The following ACKR3 variants were observed in gnomAD, a reference collection of about 807,000 sequenced individuals.
ACKR3 encodes C-X-C chemokine receptor type 7.
In ACKR3, 6 loss-of-function variants were observed where a neutral mutation model predicts 22.4. The observed-to-expected ratio is 0.27, with a 90% confidence interval of 0.15 to 0.53. The LOEUF (loss-of-function observed/expected upper bound fraction) is 0.53. ACKR3 is among the 20% of genes least tolerant of loss of function. The probability of loss-of-function intolerance (pLI) is 0.96; values close to 1 mark genes in which losing one functional copy is unlikely to be tolerated. For synonymous variants in ACKR3, 209 were observed against 205.2 expected, an observed-to-expected ratio of 1.02 and a Z score of -0.16; for missense variants, 396 against 475.2, an observed-to-expected ratio of 0.83 and a Z score of 1.55.
intron 1 of ACKR3, among the ~76,000 whole-genome samples, chr2:236,573,631 G>C (rs888825749): frequency 6.6e-6 from 1 of 152,222 alleles, no homozygotes; most frequent in Non-Finnish European, 1.5e-5. Context: ...TTTCGGAGCT[G>C]GTCCCGGGGC....
At chr2:236,541,326 T>G in the ACKR3 span, among the ~76,000 whole-genome samples, 1 of 152,246 alleles carries the variant, frequency 6.6e-6, no homozygotes, top group Non-Finnish European at 1.5e-5. Context: ...TCAGCCTTTT[T>G]TAAATACCAA....
Position 236,574,894 on chromosome 2 carries a change from C to G in ACKR3, c.-27+4970C>G, listed in dbSNP as rs926777115. ...TCTGGGCTGTGAGTGACAGAGGAGT[C>G]CCTTTGCAGGCCATAGGCTGGCAGG... On this transcript the variant is annotated intron_variant, in intron 1 of 1. Coordinates refer to ENST00000272928, the MANE Select transcript of ACKR3 (RefSeq NM_020311.3). This position sits in a 1 kb window ranked among gnomAD's most constrained non-coding sequence, Gnocchi z 5.6. 2.0e-5 allele frequency among the ~76,000 whole-genome samples: 3 copies of G among 152,076 alleles called. No homozygotes were observed. Among genetic ancestry groups the G allele is most frequent in the Admixed American group, 6.6e-5 (1 of 15,260 alleles).
intron 1 of ACKR3, among the ~76,000 whole-genome samples, chr2:236,572,428 G>C (rs548551767): frequency 3.3e-5 from 5 of 152,302 alleles, no homozygotes; most frequent in African/African-American, 1.2e-4. Flanking sequence ...GGCAGTGTGG[G>C]GGACTTTGCG....
chr2:236,571,632 A>C (rs866517446), intron 1 of ACKR3, among the ~76,000 whole-genome samples: 27 of 151,422 alleles, frequency 1.8e-4, no homozygotes, highest in African/African-American at 2.4e-4. Context: ...AAAAAAAAAA[A>C]AAAAAAAAAA....
At chr2:236,567,090 C>T (rs1691201559), upstream of ACKR3, among the ~76,000 whole-genome samples, 1 of 152,146 alleles carries the variant, frequency 6.6e-6, no homozygotes, top group Admixed American at 6.5e-5. Context: ...CTACAACCTC[C>T]GCCTCCCGGG....
chr2:236,575,690 G>A (rs950870350), intron 1 of ACKR3, among the ~76,000 whole-genome samples: 3 of 149,304 alleles, frequency 2.0e-5, no homozygotes, highest in African/African-American at 7.6e-5. Context: ...TGTGCTGTGT[G>A]TGCGTGTGTC....
intron 1 of ACKR3, among the ~76,000 whole-genome samples, chr2:236,580,039 T>C (rs1388310729): frequency 1.3e-5 from 2 of 152,170 alleles, no homozygotes; most frequent in Admixed American, 6.5e-5. Context: ...ATAAAATGGC[T>C]CCACTGTCCC....
At chr2:236,543,064 T>C in the ACKR3 span, among the ~76,000 whole-genome samples, 1 of 152,214 alleles carries the variant, frequency 6.6e-6, no homozygotes, top group Non-Finnish European at 1.5e-5. Context: ...GTGCAATCAA[T>C]GCTTTACCGA....
intron 1 of ACKR3, among the ~76,000 whole-genome samples, chr2:236,579,564 C>A (rs1204277586): frequency 1.3e-5 from 2 of 152,176 alleles, no homozygotes; most frequent in Non-Finnish European, 2.9e-5. Flanking sequence ...GTTGGTCTCA[C>A]CTCAGGTCAG....
the ACKR3 span, among the ~76,000 whole-genome samples, chr2:236,548,850 T>A: frequency 6.6e-6 from 1 of 152,202 alleles, no homozygotes; most frequent in Non-Finnish European, 1.5e-5. The surrounding 1 kb of genome is among the most constrained non-coding windows in gnomAD (Gnocchi z 4.3). Context: ...TCTTGCCAAC[T>A]AGCTTATTAA....
intron 1 of ACKR3, among the ~76,000 whole-genome samples, chr2:236,576,341 G>T (rs758212608): frequency 6.6e-5 from 10 of 152,216 alleles, no homozygotes; most frequent in Non-Finnish European, 1.5e-4. Context: ...GCGGAATGCA[G>T]TCAGCTCTTT....
At chr2:236,563,698 G>A (rs778521506), upstream of ACKR3, among the ~76,000 whole-genome samples, 26 of 152,244 alleles carry the variant, frequency 1.7e-4, no homozygotes, top group Middle Eastern at 3.4e-3. Context: ...TAGACAGTGC[G>A]GTGGATACTG....
chr2:236,570,082 C>G (rs1458034549), intron 1 of ACKR3, among the ~76,000 whole-genome samples, 158 bp downstream of exon 1: 1 of 152,246 alleles, frequency 6.6e-6, no homozygotes, highest in Admixed American at 6.5e-5. Flanking sequence ...CTGCACGCAG[C>G]TGCATTGCAA....
At chr2:236,563,921 C>T (rs1258029758), upstream of ACKR3, among the ~76,000 whole-genome samples, 4 of 152,178 alleles carry the variant, frequency 2.6e-5, no homozygotes, top group Non-Finnish European at 5.9e-5. Context: ...CAGCCCTAAT[C>T]CAGTAGTTGG....
At chr2:236,580,309 C>A in intron 1 of ACKR3, 131 bp from the exon 2 acceptor site, 1 of 854,674 alleles carries the variant, frequency 1.2e-6, no homozygotes, top group Non-Finnish European at 1.8e-6. Flanking sequence ...TTTGCAAAGA[C>A]ATTACAGAGC....
the ACKR3 span, among the ~76,000 whole-genome samples, chr2:236,551,472 G>A: frequency 6.6e-6 from 1 of 152,084 alleles, no homozygotes; most frequent in East Asian, 1.9e-4. Flanking sequence ...CAGCAGTCCG[G>A]CAGTGCTGTG....
At chr2:236,554,485 C>A in the ACKR3 span, among the ~76,000 whole-genome samples, 1 of 152,150 alleles carries the variant, frequency 6.6e-6, no homozygotes, top group Non-Finnish European at 1.5e-5. Flanking sequence ...GACATAGGAG[C>A]AGTCATGACC....
At chr2:236,551,496 CA>C in the ACKR3 span, among the ~76,000 whole-genome samples, 19 of 152,216 alleles carry the variant, frequency 1.2e-4, no homozygotes, top group Middle Eastern at 3.4e-3. Flanking sequence ...GAGCTGACAT[CA>C]GGGGCCATCC....
At chr2:236,537,199 C>G in the ACKR3 span, among the ~76,000 whole-genome samples, 15 of 152,314 alleles carry the variant, frequency 9.8e-5, no homozygotes, top group Middle Eastern at 3.4e-3. Context: ...TCTACTAATC[C>G]TGATTGGATT....
Sources: allele counts gnomAD v4.1 joint callset (sites outside exome capture counted in the v4.1 genomes callset), GRCh38; gene constraint gnomAD v4.1.1; non-coding constraint Gnocchi (gnomAD v3.1); transcripts MANE v1.5; gene names NCBI Gene and HGNC (gene_info 2026-07-23, HGNC 2026-07-21).